PFKFB3: variants seen among roughly 807,000 people sequenced by gnomAD.
PFKFB3 encodes 6-phosphofructo-2-kinase/fructose-2,6-biphosphatase 3, also known as 6-phosphofructo-2-kinase/fructose-2,6-bisphosphatase 3.
In PFKFB3, 33 loss-of-function variants were observed where a neutral mutation model predicts 68.0. That is an observed-to-expected ratio of 0.49 (90% CI 0.37 to 0.65). The LOEUF (loss-of-function observed/expected upper bound fraction) is 0.65, where lower values mean the gene tolerates loss of function less well. PFKFB3 is among the 30% of genes least tolerant of loss of function. PFKFB3 has a pLI of 0.00. For missense variants in PFKFB3, 586 were observed against 712.2 expected, an observed-to-expected ratio of 0.82 and a Z score of 2.02; for synonymous variants, 315 against 288.2, an observed-to-expected ratio of 1.09 and a Z score of -0.94.
chr10:6,203,146 C>G lies in PFKFB3; in HGVS notation c.-115C>G, dbSNP rs1843444417. Reference sequence around the variant, plus strand: ...CCCTGGCAGCGCAGGAAACGCCCGGCCGCGCGCCGGCGCACGCCCCCCTCT... The same window carrying G: ...CCCTGGCAGCGCAGGAAACGCCCGGGCGCGCGCCGGCGCACGCCCCCCTCT... On this transcript the variant is annotated 5_prime_UTR_variant, in exon 1 of 15. Coordinates refer to ENST00000379775, the MANE Select transcript of PFKFB3 (RefSeq NM_004566.4). 19 of 1,500,362 alleles carry G rather than the reference C, an allele frequency of 1.3e-5. No individual in the cohort carries two copies. Among genetic ancestry groups the G allele is most frequent in the Non-Finnish European group, 1.7e-5 (19 of 1,127,190 alleles). 92.9% of individuals were successfully genotyped at this position (1,500,362 alleles called of 1,614,324 possible). A position where few individuals can be genotyped will look rare whatever the true frequency, so the allele number is the denominator to read the frequency against.
chr10:6,321,246 A>T, the PFKFB3 span, among the ~76,000 whole-genome samples: 5 of 150,108 alleles, frequency 3.3e-5, no homozygotes, highest in East Asian at 9.7e-4. Flanking sequence ...GTTTTGCAAA[A>T]CCCCATGCTC....
the PFKFB3 span, among the ~76,000 whole-genome samples, chr10:6,278,567 G>T: frequency 6.6e-6 from 1 of 152,128 alleles, no homozygotes; most frequent in Non-Finnish European, 1.5e-5. Flanking sequence ...GAGCCACCGT[G>T]CCTGGCCAGC....
At chr10:6,179,893 G>C (rs932980677) in intron 1 of PFKFB3, among the ~76,000 whole-genome samples, 4 of 152,282 alleles carry the variant, frequency 2.6e-5, no homozygotes, top group African/African-American at 9.6e-5. Context: ...TGAGCCCCCA[G>C]AGTGACACCC....
At chr10:6,182,410 G>A (rs1212184919) in intron 1 of PFKFB3, among the ~76,000 whole-genome samples, 1 of 152,220 alleles carries the variant, frequency 6.6e-6, no homozygotes, top group African/African-American at 2.4e-5. Flanking sequence ...CTAATCTGGA[G>A]TGGAGGCTGG....
the PFKFB3 span, among the ~76,000 whole-genome samples, chr10:6,281,342 A>G: frequency 6.6e-6 from 1 of 151,740 alleles, no homozygotes; most frequent in African/African-American, 2.4e-5. Flanking sequence ...GTTTAACTTT[A>G]CTTACTAACA....
At chr10:6,279,590 C>T in the PFKFB3 span, among the ~76,000 whole-genome samples, 82,063 of 151,960 alleles carry the variant, frequency 0.54, 25,120 homozygotes, top group Non-Finnish European at 0.71. Context: ...TGCCTGGGGT[C>T]ACGTTTGGGG....
chr10:6,210,102 C>T (rs967154323), intron 1 of PFKFB3, among the ~76,000 whole-genome samples: 1 of 119,992 alleles, frequency 8.3e-6, no homozygotes, highest in African/African-American at 2.6e-5. Flanking sequence ...GGTGATGAGG[C>T]GGGTGGGGGG....
At chr10:6,243,052 C>G (rs1846174549) in intron 14 of PFKFB3, among the ~76,000 whole-genome samples, 1 of 152,116 alleles carries the variant, frequency 6.6e-6, no homozygotes, top group African/African-American at 2.4e-5. Flanking sequence ...AGCCACTGTT[C>G]TAAGTATTAG....
chr10:6,153,913 C>T (rs540672629), intron 1 of PFKFB3, among the ~76,000 whole-genome samples: 1 of 151,824 alleles, frequency 6.6e-6, no homozygotes, highest in South Asian at 2.1e-4. Context: ...TGGTTGCACA[C>T]AGGATGGTCA....
chr10:6,324,658 G>A, the PFKFB3 span, among the ~76,000 whole-genome samples: 1 of 152,158 alleles, frequency 6.6e-6, no homozygotes, highest in African/African-American at 2.4e-5. Flanking sequence ...TCGAACTCCC[G>A]ACCTCAAATG....
chr10:6,217,254 G>C, intron 6 of PFKFB3, 63 bp downstream of exon 6: 2 of 1,418,100 alleles, frequency 1.4e-6, no homozygotes, highest in Non-Finnish European at 2.0e-6. Flanking sequence ...TTTGCAGTCT[G>C]AGGAAGTGGG....
rs61731875 is a variant in PFKFB3, at chr10:6,232,927, C to T, written c.1548C>T (p.Ser516=). The T allele has an allele frequency of 2.3e-4, 370 of 1,613,116 alleles. 1 individual carries two copies. In the African/African-American group the frequency reaches 4.4e-3, roughly 19 times the overall value. ...AAGGCTCCCGGAGCAGCGCTGACTC[C>T]TCCAGGAAACACTGAGGCAGACGTG... ...NMKGSRSSAD[S]SRKH The change falls in exon 15 of 15, where the codon TCC becomes TCT. Residue 516 remains serine, a synonymous_variant. Coordinates refer to ENST00000379775, the MANE Select transcript of PFKFB3 (RefSeq NM_004566.4).
At position 6,227,114 on chromosome 10, in the gene PFKFB3, G is replaced by A. The variant is rs75624399; in HGVS notation, c.1515+749G>A. 4.9e-3 allele frequency among the ~76,000 whole-genome samples: 749 copies of A among 151,976 alleles called. 37 individuals carry two copies. The East Asian group carries it at 0.067, about 14-fold the overall frequency. ...AAAAAAAAGCAAAAAACCCCAACCCGATTTCACTTATTTCATTAATTTTGA... is the reference window on the plus strand; with the variant it reads ...AAAAAAAAGCAAAAAACCCCAACCCAATTTCACTTATTTCATTAATTTTGA... On this transcript the variant is annotated intron_variant, in intron 14 of 14. Coordinates refer to ENST00000379775, the MANE Select transcript of PFKFB3 (RefSeq NM_004566.4).
chr10:6,199,478 C>G (rs1005606875), upstream of PFKFB3, among the ~76,000 whole-genome samples: 2 of 142,318 alleles, frequency 1.4e-5, no homozygotes, highest in Non-Finnish European at 3.0e-5. Context: ...TCACCAGGCA[C>G]TTGCTTTTTT....
At chr10:6,306,120 A>G in the PFKFB3 span, among the ~76,000 whole-genome samples, 2 of 152,146 alleles carry the variant, frequency 1.3e-5, no homozygotes, top group Admixed American at 6.5e-5. Flanking sequence ...GGCAGCCTCA[A>G]ACTCCTGGGC....
chr10:6,240,389 C>T (rs1191421472), downstream of PFKFB3, among the ~76,000 whole-genome samples: 1 of 152,006 alleles, frequency 6.6e-6, no homozygotes, highest in Non-Finnish European at 1.5e-5. Context: ...CTCAGCCTCC[C>T]TAGTAGGTGG....
chr10:6,191,525 A>G (rs988614519), intron 1 of PFKFB3, among the ~76,000 whole-genome samples: 5 of 152,246 alleles, frequency 3.3e-5, no homozygotes, highest in East Asian at 1.9e-4. Context: ...AGGACAGTGC[A>G]TTGTGCAAAG....
At position 6,220,765 on chromosome 10, in the gene PFKFB3, T is replaced by C; in HGVS notation, c.731T>C (p.Val244Ala). 6.2e-7 allele frequency: 1 copy of C among 1,614,092 alleles called. No homozygotes were observed. The highest frequency in any genetic ancestry group is 8.5e-7 in the Non-Finnish European group (1 of 1,180,008). Residue 244 changes from valine (V) to alanine (A), a missense_variant, in exon 8 of 15, where the codon GTG becomes GCG. By Grantham distance (64) the Val-to-Ala change is moderately conservative. Coordinates refer to ENST00000379775, the MANE Select transcript of PFKFB3 (RefSeq NM_004566.4). The surrounding 1 kb of genome is among the most constrained non-coding windows in gnomAD (Gnocchi z 4.1). The part of the protein sequence containing the change: ...RIVYYLMNIH[V>A]QPRTIYLCRH... ...GTGTACTACCTGATGAACATCCACG[T>C]GCAGCCGCGTACCATCTACCTGTGC...
the PFKFB3 span, among the ~76,000 whole-genome samples, chr10:6,266,697 C>T: frequency 6.6e-6 from 1 of 152,202 alleles, no homozygotes; most frequent in African/African-American, 2.4e-5. Context: ...AAATGTTCTT[C>T]TTTCACCCAG....
Sources: gnomAD v4.1 joint callset for allele counts (sites outside exome capture counted in the v4.1 genomes callset) on GRCh38, gnomAD v4.1.1 for gene constraint, Gnocchi (gnomAD v3.1) non-coding constraint, MANE v1.5 for transcripts, NCBI Gene and HGNC (gene_info 2026-07-23, HGNC 2026-07-21) for gene names.